The following PCDHGA1 variants were observed in gnomAD, a reference collection of about 807,000 sequenced individuals.
PCDHGA1 encodes protocadherin gamma-A1.
A neutral mutation model predicts 58.0 loss-of-function variants in PCDHGA1; 32 were observed. The ratio of observed to expected loss-of-function variants is 0.55; its 90% CI spans 0.42 to 0.74. The LOEUF (loss-of-function observed/expected upper bound fraction) is 0.74, where lower values mean the gene tolerates loss of function less well. PCDHGA1 is among the 30% of genes least tolerant of loss of function. The pLI is 0.00. For synonymous variants in PCDHGA1, 498 were observed against 501.1 expected, an observed-to-expected ratio of 0.99 and a Z score of 0.08; for missense variants, 1,205 against 1,182.3, an observed-to-expected ratio of 1.02 and a Z score of -0.28.
At chr5:141,365,820 A>G in intron 1 of PCDHGA1, 1 of 1,613,898 alleles carries the variant, frequency 6.2e-7, no homozygotes, top group East Asian at 2.2e-5. Context: ...GACACATTTC[A>G]GGGGGCGCCC....
Position 141,485,465 on chromosome 5 carries a change from C to T in PCDHGA1, c.2422-9342C>T. ...AATCGACCGAGAGGCACTGTGTGGG[C>T]TCAGTGCCAGCTGCATCGTGCCCCT... On this transcript the variant is annotated intron_variant, in intron 1 of 3. Coordinates refer to ENST00000517417, the MANE Select transcript of PCDHGA1 (RefSeq NM_018912.3). This position sits in a 1 kb window ranked among gnomAD's most constrained non-coding sequence, Gnocchi z 5.7. 6.2e-7 allele frequency: 1 copy of T among 1,614,162 alleles called. No homozygotes were observed.
At chr5:141,510,366 T>A (rs1452829030) in intron 3 of PCDHGA1, among the ~76,000 whole-genome samples, 1 of 140,062 alleles carries the variant, frequency 7.1e-6, no homozygotes, top group Non-Finnish European at 1.6e-5. Context: ...AACTACCGAA[T>A]CTCTACTCGT....
At chr5:141,429,385 T>A (rs1274446916) in intron 1 of PCDHGA1, among the ~76,000 whole-genome samples, 1 of 151,844 alleles carries the variant, frequency 6.6e-6, no homozygotes, top group Non-Finnish European at 1.5e-5. Flanking sequence ...GTGTTTTTTT[T>A]TTAAAAAAAA....
chr5:141,403,054 A>G, intron 1 of PCDHGA1: 6 of 1,614,062 alleles, frequency 3.7e-6, no homozygotes, highest in Non-Finnish European at 5.1e-6. Flanking sequence ...TTCGCTACTC[A>G]GTGCCTGAAG....
intron 1 of PCDHGA1, chr5:141,414,540 C>A (rs1158346953): frequency 1.2e-5 from 19 of 1,613,948 alleles, no homozygotes; most frequent in Non-Finnish European, 1.5e-5. Context: ...ACCCACCTAC[C>A]TTCTCTCAAG....
chr5:141,474,093 C>G (rs2099341169), intron 1 of PCDHGA1, among the ~76,000 whole-genome samples: 1 of 152,098 alleles, frequency 6.6e-6, no homozygotes, highest in African/African-American at 2.4e-5. Flanking sequence ...AAAAAACAAA[C>G]AACAACAAAA....
At chr5:141,339,116 G>T in intron 1 of PCDHGA1, 2 of 1,614,224 alleles carry the variant, frequency 1.2e-6, no homozygotes, top group Non-Finnish European at 1.7e-6. Context: ...AGGCAACATC[G>T]CCAAGGACTT....
At chr5:141,468,160 G>C (rs2099158881) in intron 1 of PCDHGA1, among the ~76,000 whole-genome samples, 1 of 151,468 alleles carries the variant, frequency 6.6e-6, no homozygotes, top group African/African-American at 2.4e-5. Context: ...CCCTGTCTCT[G>C]CTAAAAATAG....
intron 1 of PCDHGA1, chr5:141,392,823 C>A: frequency 6.3e-7 from 1 of 1,599,890 alleles, no homozygotes; most frequent in Non-Finnish European, 8.5e-7. Flanking sequence ...AATGGCCGCT[C>A]CACAGAGTCG....
chr5:141,340,704 C>G, intron 1 of PCDHGA1: 1 of 1,614,160 alleles, frequency 6.2e-7, no homozygotes, highest in South Asian at 1.1e-5. Flanking sequence ...GTGGAGCTGG[C>G]GCCCCGCTCC....
In PCDHGA1 at chr5:141,485,798, C is replaced by T. The variant is rs764109672; in HGVS notation, c.2422-9009C>T. The T allele has an allele frequency of 2.0e-5, 32 of 1,614,172 alleles. No individual in the cohort carries two copies. The highest frequency in any genetic ancestry group is 1.1e-4 in the East Asian group (5 of 44,876). ...GGATCGAGAGAAGCAATCGGACTAC[C>T]GCCTGGTGCTGACTGCTGTCGATGG... is the stretch of plus-strand genomic sequence containing the variant. On this transcript the variant is annotated intron_variant, in intron 1 of 3. Coordinates refer to ENST00000517417, the MANE Select transcript of PCDHGA1 (RefSeq NM_018912.3). The surrounding 1 kb of genome is among the most constrained non-coding windows in gnomAD (Gnocchi z 5.7).
chr5:141,489,253 A>T lies in PCDHGA1; in HGVS notation c.2422-5554A>T. 1 of 1,547,506 alleles carries T rather than the reference A, an allele frequency of 6.5e-7. No individual in the cohort carries two copies. The highest frequency in any genetic ancestry group is 2.3e-5 in the East Asian group (1 of 44,418). ...GGACTTCTGGGTCATGGGGCCCAAG[A>T]CACTCCCACAGCTCGCTGGGAAATG... On this transcript the variant is annotated intron_variant, in intron 1 of 3. Coordinates refer to ENST00000517417, the MANE Select transcript of PCDHGA1 (RefSeq NM_018912.3). This position sits in a 1 kb window ranked among gnomAD's most constrained non-coding sequence, Gnocchi z 4.5.
intron 1 of PCDHGA1, chr5:141,345,708 G>A: frequency 6.2e-7 from 1 of 1,614,208 alleles, no homozygotes; most frequent in Non-Finnish European, 8.5e-7. Flanking sequence ...GAACGACAAC[G>A]CGCCCGAGAT....
intron 1 of PCDHGA1, among the ~76,000 whole-genome samples, chr5:141,406,639 A>G (rs1301755864): frequency 6.6e-6 from 1 of 152,208 alleles, no homozygotes; most frequent in Non-Finnish European, 1.5e-5. Flanking sequence ...AAAGGTCTTA[A>G]TTTCCTAATG....
chr5:141,478,394 G>A, intron 1 of PCDHGA1: 1 of 1,613,586 alleles, frequency 6.2e-7, no homozygotes, highest in Non-Finnish European at 8.5e-7. Context: ...TTACCATCAG[G>A]TGTATCTCAC....
chr5:141,408,909 A>G lies in PCDHGA1; in HGVS notation c.2421+75804A>G, dbSNP rs746399377. On this transcript the variant is annotated intron_variant, in intron 1 of 3. Transcript: ENST00000517417. ...ATAGAAATTTCTGTCAAGGATACCA[A>G]TGATAACCCCCCGGTTTTCAGCAGA... 1.3e-5 allele frequency: 21 copies of G among 1,613,442 alleles called. No individual in the cohort carries two copies. In the East Asian group the frequency reaches 2.5e-4, roughly 19 times the overall value.
At chr5:141,340,217 TC>T in intron 1 of PCDHGA1, 3 of 1,614,182 alleles carry the variant, frequency 1.9e-6, no homozygotes, top group Non-Finnish European at 2.5e-6. Context: ...GGAACAGTTT[TC>T]CTTTTACAAC....
intron 1 of PCDHGA1, chr5:141,355,394 G>T: frequency 2.5e-6 from 4 of 1,614,058 alleles, no homozygotes; most frequent in Non-Finnish European, 3.4e-6. Flanking sequence ...CGCGGAGTCC[G>T]CATCGTCTCC....
At chr5:141,480,935 C>G (rs1297213622) in intron 1 of PCDHGA1, among the ~76,000 whole-genome samples, 1 of 152,092 alleles carries the variant, frequency 6.6e-6, no homozygotes, top group Non-Finnish European at 1.5e-5. Flanking sequence ...GTCCCAGCTA[C>G]TCTAGAGGCT....
Sources: gnomAD v4.1 joint callset for allele counts (sites outside exome capture counted in the v4.1 genomes callset) on GRCh38, gnomAD v4.1.1 for gene constraint, Gnocchi (gnomAD v3.1) non-coding constraint, MANE v1.5 for transcripts, NCBI Gene and HGNC (gene_info 2026-07-23, HGNC 2026-07-21) for gene names.